REC114: variants seen among roughly 807,000 people sequenced by gnomAD.
REC114 encodes the protein meiotic recombination protein REC114.
In REC114, 27 loss-of-function variants were observed where a neutral mutation model predicts 31.3. The observed-to-expected ratio is 0.86, with a 90% confidence interval of 0.64 to 1.19. The LOEUF (loss-of-function observed/expected upper bound fraction) is 1.19, where lower values mean the gene tolerates loss of function less well. Among genes scored for constraint, REC114 ranks in the 50% most tolerant of loss-of-function variants. The pLI is 0.00. For missense variants in REC114, 344 were observed against 326.9 expected (o/e 1.05, Z -0.40); for synonymous variants, 134 against 127.7 (o/e 1.05, Z -0.33).
intron 5 of REC114, among the ~76,000 whole-genome samples, chr15:73,558,832 C>T (rs1894519167): frequency 6.6e-6 from 1 of 152,184 alleles, no homozygotes; most frequent in South Asian, 2.1e-4. Flanking sequence ...AACCTGTGTT[C>T]ACACAAAAAC....
chr15:73,475,306 G>A (rs1893196064), intron 2 of REC114, among the ~76,000 whole-genome samples: 2 of 152,154 alleles, frequency 1.3e-5, no homozygotes, highest in Non-Finnish European at 2.9e-5. Flanking sequence ...CCACTACAGA[G>A]AAATGTAAGG....
At position 73,443,354 on chromosome 15, in the gene REC114, G is replaced by T; in HGVS notation, c.159+10G>T. The T allele has an allele frequency of 6.4e-7, 1 of 1,560,356 alleles. No individual in the cohort carries two copies. On this transcript the variant is annotated intron_variant, in intron 1 of 5. Transcript: ENST00000331090. ...CTGCCCCACATGGAAGGTGAGGCCC[G>T]AAGGCAGGAATATCCCTGAGGTGCC...
At position 73,502,941 on chromosome 15, in the gene REC114, C is replaced by T. The variant is rs773993872; in HGVS notation, c.249+29020C>T. 7.2e-5 allele frequency among the ~76,000 whole-genome samples: 11 copies of T among 152,034 alleles called. 1 individual carries two copies. The highest frequency in any genetic ancestry group is 2.1e-4 in the South Asian group (1 of 4,820). ...TTACTGAATTGATTGCATTGATTAGCGAAATACAGATTAAAACCCCAATGA... is the reference window on the plus strand; with the variant it reads ...TTACTGAATTGATTGCATTGATTAGTGAAATACAGATTAAAACCCCAATGA... On this transcript the variant is annotated intron_variant, in intron 2 of 5. Coordinates refer to ENST00000331090, the MANE Select transcript of REC114 (RefSeq NM_001042367.2).
intron 2 of REC114, among the ~76,000 whole-genome samples, chr15:73,500,041 T>C (rs1567873710): frequency 6.6e-6 from 1 of 152,190 alleles, no homozygotes; most frequent in Non-Finnish European, 1.5e-5. Flanking sequence ...TGATTTTTTT[T>C]TCCAACTCAG....
intron 2 of REC114, among the ~76,000 whole-genome samples, chr15:73,508,762 A>G (rs1010447101): frequency 2.0e-5 from 3 of 150,944 alleles, no homozygotes; most frequent in Admixed American, 6.6e-5. Flanking sequence ...TGTCCCTACA[A>G]AGGACGTGAA....
At chr15:73,555,115 C>G (rs1460363823) in intron 4 of REC114, among the ~76,000 whole-genome samples, 1 of 152,156 alleles carries the variant, frequency 6.6e-6, no homozygotes, top group African/African-American at 2.4e-5. Flanking sequence ...GCTTCCAGGT[C>G]TGGTTTCCTG....
At chr15:73,479,423 C>T (rs1232112933) in intron 2 of REC114, among the ~76,000 whole-genome samples, 2 of 151,714 alleles carry the variant, frequency 1.3e-5, no homozygotes, top group African/African-American at 4.8e-5. Flanking sequence ...TCACAATTAC[C>T]ATTTTATATA....
intron 1 of REC114, among the ~76,000 whole-genome samples, chr15:73,459,162 C>T (rs1341762590): frequency 6.6e-6 from 1 of 152,048 alleles, no homozygotes; most frequent in Non-Finnish European, 1.5e-5. Context: ...TCAGATGATC[C>T]TATAAGGTAG....
At chr15:73,528,854 A>C (rs1184964351) in intron 2 of REC114, among the ~76,000 whole-genome samples, 1 of 152,178 alleles carries the variant, frequency 6.6e-6, no homozygotes, top group East Asian at 1.9e-4. Context: ...CCTAATCTAG[A>C]GGACTAATGG....
At chr15:73,455,344 T>C (rs7182747) in intron 1 of REC114, among the ~76,000 whole-genome samples, 1 of 152,178 alleles carries the variant, frequency 6.6e-6, no homozygotes, top group Admixed American at 6.5e-5. Context: ...TAGTTGTTTT[T>C]TCTTTAGGGA....
intron 2 of REC114, among the ~76,000 whole-genome samples, chr15:73,478,199 G>A (rs1314030356): frequency 6.7e-6 from 1 of 148,596 alleles, no homozygotes; most frequent in Non-Finnish European, 1.5e-5. Flanking sequence ...AGGAGACAGA[G>A]GTTGCAGTGA....
chr15:73,540,608 A>C (rs774721488), intron 3 of REC114, 40 bp downstream of exon 3: 1 of 1,533,532 alleles, frequency 6.5e-7, no homozygotes, highest in Admixed American at 1.7e-5. Flanking sequence ...CTCATCTTCT[A>C]TGTGTGTATG....
At chr15:73,484,519 A>G (rs1233238634) in intron 2 of REC114, among the ~76,000 whole-genome samples, 1 of 152,168 alleles carries the variant, frequency 6.6e-6, no homozygotes, top group Non-Finnish European at 1.5e-5. Context: ...CTTTGGGGAT[A>G]TTTCTCCAAA....
intron 2 of REC114, among the ~76,000 whole-genome samples, chr15:73,474,639 A>G (rs1009531807): frequency 2.0e-5 from 3 of 152,226 alleles, no homozygotes; most frequent in Non-Finnish European, 4.4e-5. Context: ...ACAAATATTT[A>G]TTGAGTAATT....
intron 1 of REC114, among the ~76,000 whole-genome samples, chr15:73,467,538 G>A (rs536706376): frequency 6.6e-6 from 1 of 152,332 alleles, no homozygotes; most frequent in East Asian, 1.9e-4. Context: ...AATTAATGAA[G>A]TTCAAGTTCA....
intron 2 of REC114, among the ~76,000 whole-genome samples, chr15:73,538,455 C>CTTTTTTTTTT (rs34642401): frequency 4.8e-5 from 6 of 124,110 alleles, no homozygotes; most frequent in Non-Finnish European, 9.8e-5. Flanking sequence ...AATTCTATTT[C>CTTTTTTTTTT]TTTTTTTTTT....
At chr15:73,504,382 TTTTTTTCATATTG>T (rs1893646968) in intron 2 of REC114, among the ~76,000 whole-genome samples, 6 of 152,154 alleles carry the variant, frequency 3.9e-5, no homozygotes, top group African/African-American at 1.4e-4. Flanking sequence ...GAATTCAATA[TTTTTTTCATATTG>T]ATTACCAGTT....
chr15:73,457,680 T>G (rs116081214), intron 1 of REC114, among the ~76,000 whole-genome samples: 1 of 152,148 alleles, frequency 6.6e-6, no homozygotes, highest in South Asian at 2.1e-4. Flanking sequence ...TTCCTTTGAT[T>G]TGTTCAGTTT....
At chr15:73,463,412 C>A (rs747542912) in intron 1 of REC114, among the ~76,000 whole-genome samples, 123 of 152,158 alleles carry the variant, frequency 8.1e-4, no homozygotes, top group Admixed American at 2.2e-3. Flanking sequence ...TATATATCAT[C>A]TAGAATATTT....
Sources: allele counts gnomAD v4.1 joint callset (sites outside exome capture counted in the v4.1 genomes callset), GRCh38; gene constraint gnomAD v4.1.1; transcripts MANE v1.5; gene names NCBI Gene and HGNC (gene_info 2026-07-23, HGNC 2026-07-21).